The following NCK2 variants were observed in gnomAD, a reference collection of about 807,000 sequenced individuals.
NCK2 encodes the protein NCK adaptor protein 2.
In NCK2, 16 loss-of-function variants were observed where a neutral mutation model predicts 33.9. The observed-to-expected ratio is 0.47, with a 90% CI of 0.32 to 0.72. NCK2 has a LOEUF of 0.72. Ranked by LOEUF, NCK2 falls within the 30% of genes least tolerant of loss-of-function variation. The pLI is 0.03. For missense variants in NCK2, 418 were observed against 537.3 expected (o/e 0.78, Z 2.19); for synonymous variants, 273 against 239.9 (o/e 1.14, Z -1.27).
chr2:105,821,043 G>A (rs1675709530), intron 2 of NCK2, among the ~76,000 whole-genome samples: 1 of 152,204 alleles, frequency 6.6e-6, no homozygotes, highest in Non-Finnish European at 1.5e-5. Context: ...GAAACATTGA[G>A]CCTGTCACTC....
intron 2 of NCK2, chr2:105,847,326 A>G (rs1676888886): frequency 2.0e-5 from 3 of 152,248 alleles, no homozygotes; most frequent in African/African-American, 7.2e-5. Context: ...GGTGAAAAAA[A>G]AAAAGAATAT....
rs1313331922 is a variant in NCK2, at chr2:105,774,821, C to T, written c.-201+29683C>T. Among the ~76,000 whole-genome samples, 3 of 152,152 alleles carry T rather than the reference C, an allele frequency of 2.0e-5. No individual in the cohort carries two copies. In the East Asian group the frequency reaches 5.8e-4, roughly 29 times the overall value. The stretch of plus-strand genomic sequence containing the variant: ...GTACTGGGTATCATCTATAAAGCCA[C>T]TTTTCTTTTTGAGTTATGTGTTGAA... On this transcript the variant is annotated intron_variant, in intron 1 of 4. Coordinates refer to ENST00000233154, the MANE Select transcript of NCK2 (RefSeq NM_003581.5).
intron 1 of NCK2, among the ~76,000 whole-genome samples, chr2:105,754,679 T>C (rs111415279): frequency 0.11 from 14,391 of 132,918 alleles, 2,016 homozygotes; most frequent in African/African-American, 0.35. Context: ...CCCCAACAAC[T>C]TTTTTTTTTT....
At position 105,875,303 on chromosome 2, in the gene NCK2, C is replaced by G. The variant is rs540062564; in HGVS notation, c.227-6025C>G. On this transcript the variant is annotated intron_variant, in intron 3 of 4. Transcript: ENST00000233154. ...GAGCACACTGTCAAGCACCCAGGGC[C>G]CCTGTGTAGAGCAAACAGAACATTG... 6.6e-5 allele frequency among the ~76,000 whole-genome samples: 10 copies of G among 152,254 alleles called. No homozygotes were observed. In the South Asian group the frequency reaches 1.9e-3, roughly 28 times the overall value.
chr2:105,885,334 G>A (rs919530441), intron 4 of NCK2, among the ~76,000 whole-genome samples: 18 of 152,026 alleles, frequency 1.2e-4, no homozygotes, highest in African/African-American at 4.1e-4. Context: ...AAACTGTCTC[G>A]CTAAGGATAA....
intron 1 of NCK2, among the ~76,000 whole-genome samples, chr2:105,772,666 C>T (rs1690172381): frequency 6.6e-6 from 1 of 152,136 alleles, no homozygotes; most frequent in South Asian, 2.1e-4. Context: ...AAACACTGTG[C>T]TTCTGACTTC....
At chr2:105,820,416 G>A (rs11896455) in intron 2 of NCK2, among the ~76,000 whole-genome samples, 13,778 of 152,268 alleles carry the variant, frequency 0.09, 688 homozygotes, top group South Asian at 0.13. Flanking sequence ...CAAGGTTTGC[G>A]TGCCTGGGGC....
chr2:105,883,114 T>C (rs1678575122), intron 4 of NCK2, among the ~76,000 whole-genome samples: 1 of 152,172 alleles, frequency 6.6e-6, no homozygotes, highest in South Asian at 2.1e-4. Flanking sequence ...TATGGTGTCA[T>C]CAATTTTGCG....
At chr2:105,891,695 T>C (rs1026918312) in intron 4 of NCK2, among the ~76,000 whole-genome samples, 1 of 151,740 alleles carries the variant, frequency 6.6e-6, no homozygotes, top group Non-Finnish European at 1.5e-5. Flanking sequence ...ACAGGCACAC[T>C]ACCACCATGC....
chr2:105,755,013 GC>G (rs1558821989), intron 1 of NCK2, among the ~76,000 whole-genome samples: 1 of 151,154 alleles, frequency 6.6e-6, no homozygotes, highest in Non-Finnish European at 1.5e-5. Flanking sequence ...CGTCTCTCCC[GC>G]CCTGAACACC....
intron 2 of NCK2, among the ~76,000 whole-genome samples, chr2:105,817,175 C>A (rs114084782): frequency 4.5e-3 from 607 of 135,808 alleles, no homozygotes; most frequent in Middle Eastern, 7.2e-3. Context: ...GACTTGGTCT[C>A]AAAAAAAAAA....
intron 3 of NCK2, among the ~76,000 whole-genome samples, chr2:105,880,936 A>ATTT (rs59005322): frequency 0.022 from 2,290 of 103,102 alleles, 167 homozygotes; most frequent in Non-Finnish European, 0.031. Flanking sequence ...CAGGTGGCTA[A>ATTT]TTTTTTTTTT....
At chr2:105,813,099 C>G (rs367761173) in intron 1 of NCK2, among the ~76,000 whole-genome samples, 55 of 152,224 alleles carry the variant, frequency 3.6e-4, no homozygotes, top group African/African-American at 1.3e-3. Flanking sequence ...AGTGTGCATT[C>G]AAATTCTGGT....
At position 105,890,350 on chromosome 2, in the gene NCK2, A is replaced by G. The variant is rs948687520; in HGVS notation, c.949-2632A>G. The stretch of plus-strand genomic sequence containing the variant: ...TTAAAATTGGGTGTATCTTACATCT[A>G]CCATGATTCACTCCCATACTGCCTC... On this transcript the variant is annotated intron_variant, in intron 4 of 4. Coordinates refer to ENST00000233154, the MANE Select transcript of NCK2 (RefSeq NM_003581.5). Among the ~76,000 whole-genome samples, 15 of 152,220 alleles carry G rather than the reference A, an allele frequency of 9.9e-5. 1 individual carries two copies. Among genetic ancestry groups the G allele is most frequent in the Admixed American group, 3.3e-4 (5 of 15,280 alleles).
intron 1 of NCK2, among the ~76,000 whole-genome samples, chr2:105,769,393 T>G (rs1004672424): frequency 6.6e-6 from 1 of 151,866 alleles, no homozygotes; most frequent in African/African-American, 2.4e-5. Context: ...GAATCATGAC[T>G]CTCACTGTGC....
chr2:105,866,200 C>T (rs930221675), intron 3 of NCK2, among the ~76,000 whole-genome samples: 3 of 152,220 alleles, frequency 2.0e-5, no homozygotes, highest in Non-Finnish European at 4.4e-5. Flanking sequence ...AGGCGTGAGC[C>T]ACCGTGGCCA....
rs146714011 is a variant in NCK2, at chr2:105,889,665, C to A, written c.949-3317C>A. 2.9e-4 allele frequency among the ~76,000 whole-genome samples: 44 copies of A among 151,264 alleles called. No homozygotes were observed. In the East Asian group the frequency reaches 8.4e-3, roughly 29 times the overall value. On this transcript the variant is annotated intron_variant, in intron 4 of 4. Coordinates refer to ENST00000233154, the MANE Select transcript of NCK2 (RefSeq NM_003581.5). ...GTGGCCCTGTCATACCTCACTGTTG[C>A]CTTGACCTCCCGGGCTCAAGTGATC...
chr2:105,746,011 G>C (rs990405590), intron 1 of NCK2: 35 of 150,070 alleles, frequency 2.3e-4, no homozygotes, highest in African/African-American at 8.4e-4. Context: ...AAGGTCTGCG[G>C]TGGATGCTAG....
At chr2:105,780,319 GAT>G (rs576590444) in intron 1 of NCK2, among the ~76,000 whole-genome samples, 260 of 142,160 alleles carry the variant, frequency 1.8e-3, no homozygotes, top group Middle Eastern at 3.6e-3. Flanking sequence ...ATGGGAGAGA[GAT>G]ATATACACAC....
Sources: allele counts gnomAD v4.1 joint callset (sites outside exome capture counted in the v4.1 genomes callset), GRCh38; gene constraint gnomAD v4.1.1; transcripts MANE v1.5; gene names NCBI Gene and HGNC (gene_info 2026-07-23, HGNC 2026-07-21).